PLCH2: variants seen among roughly 807,000 people sequenced by gnomAD.
PLCH2 encodes the protein 1-phosphatidylinositol 4,5-bisphosphate phosphodiesterase eta-2.
PLCH2 carries 98 observed loss-of-function variants against 134.7 expected under a neutral mutation model. The observed-to-expected ratio is 0.73, with a 90% confidence interval of 0.62 to 0.86. The LOEUF is 0.86. Among genes scored for constraint, PLCH2 ranks in the 40% least tolerant of loss-of-function variants. PLCH2 has a pLI of 0.00. For synonymous variants in PLCH2, 974 were observed against 827.5 expected (o/e 1.18, Z -3.04); for missense variants, 1,994 against 1,986.6 (o/e 1.00, Z -0.07).
intron 3 of PLCH2, 91 bp downstream of exon 3, chr1:2,480,068 C>T (rs1641878185): frequency 6.3e-7 from 1 of 1,579,518 alleles, no homozygotes; most frequent in South Asian, 1.2e-5. Context: ...CCGGGTCACA[C>T]ACTGGGGAAG....
At chr1:2,469,241 G>T (rs1024683133) in intron 1 of PLCH2, among the ~76,000 whole-genome samples, 1 of 152,220 alleles carries the variant, frequency 6.6e-6, no homozygotes, top group African/African-American at 2.4e-5. Flanking sequence ...GGCTGCTGCC[G>T]GGTGGCCCCA....
chr1:2,418,357 G>A, the PLCH2 span, among the ~76,000 whole-genome samples: 2 of 152,340 alleles, frequency 1.3e-5, no homozygotes, highest in East Asian at 1.9e-4. Context: ...GCTGGCTCCC[G>A]GGTCTGGATG....
In PLCH2 at chr1:2,439,952, AG is replaced by A. The variant is rs1639612694; in HGVS notation, c.115+9325del. On this transcript the variant is annotated intron_variant, in intron 2 of 3. Coordinates refer to the PLCH2 transcript ENST00000609981. This position sits in a 1 kb window ranked among gnomAD's most constrained non-coding sequence, Gnocchi z 4.7. The stretch of plus-strand genomic sequence containing the variant: ...CATGTCCGGGACACTGCGGGGGACA[AG>A]GCAACCAGGGAGGCTTCCCAGAGGA... Among the ~76,000 whole-genome samples, 1 of 152,144 alleles carries A rather than the reference AG, an allele frequency of 6.6e-6. No homozygotes were observed.
rs1219338504 is a variant in PLCH2 at position 2,436,372 on chromosome 1, TCCCTCCTC to T, written c.115+5746_115+5753del. On this transcript the variant is annotated intron_variant, in intron 2 of 3. Transcript: ENST00000609981. ...CCTCCCTTCCTCCCTCCTCCCTTCCTCCCTCCTCCCTTCCTCCCTCCACCTTTCCTCCT... is the reference window on the plus strand; with the variant it reads ...CCTCCCTTCCTCCCTCCTCCCTTCCTCCTTCCTCCCTCCACCTTTCCTCCT... Among the ~76,000 whole-genome samples, 10 of 29,562 alleles carry T rather than the reference TCCCTCCTC, an allele frequency of 3.4e-4. 1 individual carries two copies. Among genetic ancestry groups the T allele is most frequent in the East Asian group, 8.3e-4 (1 of 1,212 alleles). 19.4% of individuals were successfully genotyped at this position (29,562 alleles called of 152,430 possible).
At chr1:2,487,060 C>T in intron 6 of PLCH2, 60 bp downstream of exon 6, 3 of 1,526,076 alleles carry the variant, frequency 2.0e-6, no homozygotes, top group Non-Finnish European at 2.7e-6. Context: ...CAACGAGGGC[C>T]CAACCTGTGG....
intron 21 of PLCH2, chr1:2,502,708 T>A: frequency 1.4e-6 from 1 of 713,420 alleles, no homozygotes; most frequent in Non-Finnish European, 2.6e-6. Flanking sequence ...CCAAGGGTCC[T>A]GGGGCCTGGA....
intron 19 of PLCH2, 120 bp downstream of exon 19, chr1:2,499,350 C>A: frequency 1.6e-6 from 2 of 1,253,976 alleles, no homozygotes. Flanking sequence ...ACCAAAGAGA[C>A]AGGAGCTGAG....
chr1:2,502,154 C>G lies in PLCH2; in HGVS notation c.2704C>G (p.Pro902Ala). 4.0e-6 allele frequency: 6 copies of G among 1,492,230 alleles called. No individual in the cohort carries two copies. Among genetic ancestry groups the G allele is most frequent in the Non-Finnish European group, 5.3e-6 (6 of 1,125,718 alleles). The allele number at this position is 1,492,230 out of a possible 1,614,324, so 92.4% of individuals were successfully genotyped here. Residue 902 changes from proline (P) to alanine (A), a missense_variant, in exon 21 of 22, where the codon CCA (proline) becomes GCA (alanine). Around this residue, in one of 2 missense-constraint regions of PLCH2, gnomAD observed 900 missense variants for 752.3 expected, o/e 1.20. Transcript: ENST00000378486. ...LGLKGLFLRG[P>A]KPGSLDSHAA... is the part of the protein sequence containing the mutation. ...CCTAAAAGGCCTCTTCCTCCGAGGC[C>G]CAAAGCCCGGCTCGCTGGACAGTCA... is the stretch of plus-strand genomic sequence containing the variant.
intron 1 of PLCH2, among the ~76,000 whole-genome samples, chr1:2,469,954 G>A (rs1475073785): frequency 6.6e-6 from 1 of 152,220 alleles, no homozygotes; most frequent in East Asian, 1.9e-4. Flanking sequence ...ACAACAGTGA[G>A]CCACTCTGGT....
chr1:2,418,124 C>T, the PLCH2 span, among the ~76,000 whole-genome samples: 2 of 152,256 alleles, frequency 1.3e-5, no homozygotes, highest in Non-Finnish European at 2.9e-5. Flanking sequence ...CGGTGCGAGG[C>T]AGACACCCAT....
At position 2,480,040 on chromosome 1, in the gene PLCH2, G is replaced by A. The variant is rs1406959831; in HGVS notation, c.515+63G>A. 2.5e-6 allele frequency: 4 copies of A among 1,578,962 alleles called. No homozygotes were observed. The Admixed American group carries it at 6.8e-5, about 27-fold the overall frequency. ...GACCGGCCCCTTGGCTGCTCACCCT[G>A]GGGGGGCCTGTCCTTTGCCGGGTCA... On this transcript the variant is annotated intron_variant, in intron 3 of 21. Coordinates refer to ENST00000378486, the MANE Select transcript of PLCH2 (RefSeq NM_014638.4).
At position 2,489,433 on chromosome 1, in the gene PLCH2, G is replaced by T. The variant is rs1369018671; in HGVS notation, c.1407+55G>T. 2.6e-6 allele frequency: 4 copies of T among 1,564,992 alleles called. No homozygotes were observed. The African/African-American group carries it at 4.0e-5, about 16-fold the overall frequency. On this transcript the variant is annotated intron_variant, in intron 9 of 21. Coordinates refer to ENST00000378486, the MANE Select transcript of PLCH2 (RefSeq NM_014638.4). ...GCTCACACAGAGTCTCGGGCCTGCA[G>T]CAGTGCCCTGCTCCAGACAGGCAGG...
At chr1:2,478,904 A>G (rs558416021) in intron 2 of PLCH2, among the ~76,000 whole-genome samples, 5 of 152,196 alleles carry the variant, frequency 3.3e-5, no homozygotes, top group African/African-American at 1.2e-4. Context: ...GGGGCACAGC[A>G]TAGTCCATCT....
At chr1:2,427,142 A>G (rs116072351) in intron 1 of PLCH2, among the ~76,000 whole-genome samples, 2 of 152,120 alleles carry the variant, frequency 1.3e-5, no homozygotes, top group Admixed American at 1.3e-4. Context: ...GTAGCAGGGA[A>G]GTAGCAGGAG....
At chr1:2,459,979 G>A (rs1455703247) in intron 2 of PLCH2, among the ~76,000 whole-genome samples, 2 of 152,230 alleles carry the variant, frequency 1.3e-5, no homozygotes, top group African/African-American at 4.8e-5. Context: ...CTCCCCTCTG[G>A]CCTGTTTGGC....
At chr1:2,449,448 T>C (rs1640093149) in intron 2 of PLCH2, among the ~76,000 whole-genome samples, 1 of 152,164 alleles carries the variant, frequency 6.6e-6, no homozygotes, top group Admixed American at 6.5e-5. Context: ...TGAGCTGAGA[T>C]GGTGCTACTG....
chr1:2,494,841 C>T lies in PLCH2; in HGVS notation c.1660-15C>T, dbSNP rs373887355. 48 of 1,582,256 alleles carry T rather than the reference C, an allele frequency of 3.0e-5. No individual in the cohort carries two copies. The African/African-American group carries it at 6.3e-4, about 21-fold the overall frequency. ...GGCTAGACTCACCTTGTCCCTGTCT[C>T]TCCCCTGGACTCAGAGCAAGGCTGA... On this transcript the variant is annotated splice_polypyrimidine_tract_variant and intron_variant, in intron 11 of 21. Transcript: ENST00000378486.
chr1:2,416,432 G>T, the PLCH2 span, among the ~76,000 whole-genome samples: 96 of 152,292 alleles, frequency 6.3e-4, no homozygotes, highest in Non-Finnish European at 1.2e-3. Flanking sequence ...GAAGCCCCTC[G>T]CAGTGCCAGC....
At chr1:2,489,924 C>T in intron 10 of PLCH2, 57 bp downstream of exon 10, 1 of 1,244,150 alleles carries the variant, frequency 8.0e-7, no homozygotes, top group African/African-American at 1.5e-5. Flanking sequence ...CCAAGAACAG[C>T]TGTCCGTCCT....
Sources: gnomAD v4.1 joint callset for allele counts (sites outside exome capture counted in the v4.1 genomes callset) on GRCh38, gnomAD v4.1.1 for gene constraint, gnomAD v4.1.1 regional missense constraint, Gnocchi (gnomAD v3.1) non-coding constraint, MANE v1.5 for transcripts, NCBI Gene and HGNC (gene_info 2026-07-23, HGNC 2026-07-21) for gene names.